The following TNIK variants were observed in gnomAD, a reference collection of about 807,000 sequenced individuals.
TNIK encodes TRAF2 and NCK interacting kinase, also known as TRAF2 and NCK-interacting protein kinase.
In TNIK, 49 loss-of-function variants were observed where a neutral mutation model predicts 191.3. The observed-to-expected ratio is 0.26, with a 90% CI of 0.20 to 0.32. TNIK has a LOEUF of 0.32. TNIK is among the 10% of genes least tolerant of loss of function. The pLI, the probability that TNIK is intolerant of heterozygous loss-of-function variation, is 1.00. For synonymous variants in TNIK, 594 were observed against 600.9 expected (o/e 0.99, Z 0.17); for missense variants, 1,155 against 1,702.3 (o/e 0.68, Z 5.66).
intron 12 of TNIK, 35 bp downstream of exon 12, chr3:171,157,425 G>A: frequency 6.5e-7 from 1 of 1,548,610 alleles, no homozygotes; most frequent in East Asian, 2.4e-5. Flanking sequence ...CAACTGAGAG[G>A]CTTGGGGTCA....
chr3:171,331,802 A>G, intron 2 of TNIK, among the ~76,000 whole-genome samples: 1 of 152,188 alleles, frequency 6.6e-6, no homozygotes, highest in East Asian at 1.9e-4. Context: ...GGCCTTTTTG[A>G]TAATGTAATT....
intron 18 of TNIK, among the ~76,000 whole-genome samples, chr3:171,122,692 T>A (rs542901213): frequency 3.3e-5 from 5 of 152,332 alleles, no homozygotes; most frequent in African/African-American, 1.2e-4. Context: ...TCATTCTCTC[T>A]TACTAGCAAA....
chr3:171,370,618 CAAGTA>C (rs1364827774), intron 1 of TNIK, among the ~76,000 whole-genome samples: 1 of 152,110 alleles, frequency 6.6e-6, no homozygotes, highest in Non-Finnish European at 1.5e-5. Context: ...GTAACATAAA[CAAGTA>C]AAGTGGTCCA....
chr3:171,076,753 C>T (rs1296684289), intron 28 of TNIK, among the ~76,000 whole-genome samples: 1 of 152,134 alleles, frequency 6.6e-6, no homozygotes, highest in Non-Finnish European at 1.5e-5. Flanking sequence ...CCGCTTGCAA[C>T]TCTTTCAACT....
intron 1 of TNIK, among the ~76,000 whole-genome samples, chr3:171,390,604 G>A (rs1719371108): frequency 6.6e-6 from 1 of 152,190 alleles, no homozygotes; most frequent in Non-Finnish European, 1.5e-5. Context: ...CTGAATAACT[G>A]CCATGCTGCA....
intron 4 of TNIK, among the ~76,000 whole-genome samples, chr3:171,204,691 T>G (rs1436757363): frequency 1.3e-5 from 2 of 152,240 alleles, no homozygotes; most frequent in East Asian, 3.8e-4. Flanking sequence ...TAACAGGTCT[T>G]ACTTGCTCTT....
intron 2 of TNIK, among the ~76,000 whole-genome samples, chr3:171,264,093 CACACACACACACACACACATATAT>C (rs1212351568): frequency 3.7e-4 from 32 of 86,454 alleles, no homozygotes; most frequent in South Asian, 1.2e-3. Context: ...CACACACACA[CACACACACACACACACACATATAT>C]ATATATATAT....
chr3:171,386,571 A>T (rs1718764236), intron 1 of TNIK, among the ~76,000 whole-genome samples: 1 of 152,166 alleles, frequency 6.6e-6, no homozygotes, highest in South Asian at 2.1e-4. Context: ...TTGCTCACCT[A>T]TACCATTTAT....
intron 10 of TNIK, 131 bp from the exon 11 acceptor site, chr3:171,161,467 A>G: frequency 1.5e-6 from 1 of 662,324 alleles, no homozygotes; most frequent in East Asian, 3.0e-5. Flanking sequence ...AACGGTCTCC[A>G]GGCTTGTGAT....
At chr3:171,281,469 CTTATT>C (rs1249270520) in intron 2 of TNIK, among the ~76,000 whole-genome samples, 4 of 152,144 alleles carry the variant, frequency 2.6e-5, no homozygotes, top group Non-Finnish European at 5.9e-5. Context: ...AGCTATTTAT[CTTATT>C]TAAGTCTCAG....
At chr3:171,220,878 C>T (rs930074043) in intron 3 of TNIK, among the ~76,000 whole-genome samples, 1 of 152,114 alleles carries the variant, frequency 6.6e-6, no homozygotes, top group African/African-American at 2.4e-5. Flanking sequence ...ATTTTTTGCA[C>T]TTAAGCAATG....
chr3:171,268,683 T>C (rs1342804874), intron 2 of TNIK, among the ~76,000 whole-genome samples: 1 of 151,422 alleles, frequency 6.6e-6, no homozygotes, highest in Admixed American at 6.6e-5. Flanking sequence ...AGGAATGGAG[T>C]TTTCTTTTGG....
chr3:171,101,885 A>ATGTGTACATATGTG (rs1723629429), intron 21 of TNIK: 1 of 383,200 alleles, frequency 2.6e-6, no homozygotes, highest in African/African-American at 2.1e-5. Flanking sequence ...CTGAATATAT[A>ATGTGTACATATGTG]TGTGTACATA....
chr3:171,115,049 C>T (rs1310667635), intron 18 of TNIK, among the ~76,000 whole-genome samples: 3 of 152,144 alleles, frequency 2.0e-5, no homozygotes, highest in Admixed American at 6.5e-5. Flanking sequence ...AAAACTTGCT[C>T]TAAAAAATGT....
chr3:171,382,340 C>T (rs1422239359), intron 1 of TNIK, among the ~76,000 whole-genome samples: 1 of 151,654 alleles, frequency 6.6e-6, no homozygotes. Context: ...TCTGCCTCAG[C>T]CTCTGAAGTA....
chr3:171,334,650 C>T (rs1331134044), intron 2 of TNIK, among the ~76,000 whole-genome samples: 1 of 151,896 alleles, frequency 6.6e-6, no homozygotes, highest in East Asian at 1.9e-4. Flanking sequence ...TCAGGCTGTG[C>T]CAAAAAAGAC....
At chr3:171,402,645 C>T (rs992438606) in intron 1 of TNIK, among the ~76,000 whole-genome samples, 2 of 152,146 alleles carry the variant, frequency 1.3e-5, no homozygotes, top group Non-Finnish European at 2.9e-5. Context: ...CTAAAAGATA[C>T]CCTTCCTCCA....
intron 28 of TNIK, among the ~76,000 whole-genome samples, chr3:171,071,751 C>T (rs1719211506): frequency 6.6e-6 from 1 of 152,010 alleles, no homozygotes; most frequent in Admixed American, 6.6e-5. Flanking sequence ...ATAAAGGCTG[C>T]CATTTGCTTA....
intron 2 of TNIK, among the ~76,000 whole-genome samples, chr3:171,268,098 T>C (rs1220162167): frequency 6.6e-6 from 1 of 152,158 alleles, no homozygotes; most frequent in Non-Finnish European, 1.5e-5. Context: ...GTTGATTTGC[T>C]CCTCATTTAA....
Sources: allele counts gnomAD v4.1 joint callset (sites outside exome capture counted in the v4.1 genomes callset), GRCh38; gene constraint gnomAD v4.1.1; transcripts MANE v1.5; gene names NCBI Gene and HGNC (gene_info 2026-07-23, HGNC 2026-07-21).